DEPTOR: variants seen among roughly 807,000 people sequenced by gnomAD.
DEPTOR encodes DEP domain-containing mTOR-interacting protein.
Under a neutral mutation model 41.6 loss-of-function variants are expected in DEPTOR, and 41 were observed. The ratio of observed to expected loss-of-function variants is 0.98; its 90% confidence interval spans 0.77 to 1.28. The LOEUF is 1.28. Among genes scored for constraint, DEPTOR ranks in the 50% most tolerant of loss-of-function variants. The pLI is 0.00. For synonymous variants in DEPTOR, 195 were observed against 192.3 expected, an observed-to-expected ratio of 1.01 and a Z score of -0.12; for missense variants, 514 against 527.9, an observed-to-expected ratio of 0.97 and a Z score of 0.26.
chr8:119,973,685 C>T (rs1036542088), intron 4 of DEPTOR, among the ~76,000 whole-genome samples: 6 of 152,334 alleles, frequency 3.9e-5, no homozygotes, highest in African/African-American at 1.2e-4. Flanking sequence ...CCTGGCCTAC[C>T]AGGCTACCGC....
At chr8:120,028,902 T>C (rs1812843467) in intron 8 of DEPTOR, among the ~76,000 whole-genome samples, 1 of 151,912 alleles carries the variant, frequency 6.6e-6, no homozygotes, top group Non-Finnish European at 1.5e-5. Flanking sequence ...CTGACCAATA[T>C]GGTGAAACCC....
At chr8:119,884,887 TG>T (rs909645351) in intron 1 of DEPTOR, among the ~76,000 whole-genome samples, 1 of 152,042 alleles carries the variant, frequency 6.6e-6, no homozygotes, top group African/African-American at 2.4e-5. Flanking sequence ...GCAATTCTTG[TG>T]CCTCAGCTTC....
chr8:120,046,659 G>A (rs896782005), intron 8 of DEPTOR, among the ~76,000 whole-genome samples: 3 of 152,086 alleles, frequency 2.0e-5, no homozygotes. Context: ...GTCTCACTAT[G>A]TTGTCCAGGC....
chr8:120,030,542 TG>T, intron 8 of DEPTOR, among the ~76,000 whole-genome samples: 1 of 140,702 alleles, frequency 7.1e-6, no homozygotes, highest in East Asian at 2.3e-4. Context: ...AGTCTCACTG[TG>T]TTGCCTAGGC....
At chr8:120,020,920 A>G (rs1435864592) in intron 8 of DEPTOR, among the ~76,000 whole-genome samples, 2 of 151,498 alleles carry the variant, frequency 1.3e-5, no homozygotes, top group African/African-American at 4.9e-5. Flanking sequence ...ATAGTTGGGC[A>G]TGATGGCATG....
At chr8:119,959,595 C>T (rs150019523) in intron 3 of DEPTOR, among the ~76,000 whole-genome samples, 291 of 151,450 alleles carry the variant, frequency 1.9e-3, no homozygotes, top group African/African-American at 4.9e-3. Context: ...GGTGCGATCT[C>T]GGTTCACTGC....
chr8:119,987,310 T>C (rs1488904514), intron 4 of DEPTOR, among the ~76,000 whole-genome samples: 2 of 152,188 alleles, frequency 1.3e-5, no homozygotes, highest in Non-Finnish European at 2.9e-5. Flanking sequence ...CTGCTGGAGT[T>C]TGCTGGAGGT....
At chr8:119,942,206 A>G (rs1474191409) in intron 3 of DEPTOR, among the ~76,000 whole-genome samples, 2 of 152,026 alleles carry the variant, frequency 1.3e-5, no homozygotes, top group Non-Finnish European at 2.9e-5. Flanking sequence ...TTATTGATTT[A>G]TTGATTGATT....
At chr8:119,901,456 C>A (rs1029808129) in intron 1 of DEPTOR, among the ~76,000 whole-genome samples, 9 of 152,034 alleles carry the variant, frequency 5.9e-5, no homozygotes, top group African/African-American at 2.2e-4. Flanking sequence ...GTGGGCGGAT[C>A]ACGAGATCAG....
chr8:119,900,891 T>G (rs1827581884), intron 1 of DEPTOR, among the ~76,000 whole-genome samples: 1 of 152,172 alleles, frequency 6.6e-6, no homozygotes, highest in Non-Finnish European at 1.5e-5. Flanking sequence ...GTTATTCTAT[T>G]TTTGCAACTC....
At chr8:119,996,181 C>G (rs891583255) in intron 4 of DEPTOR, among the ~76,000 whole-genome samples, 4 of 152,072 alleles carry the variant, frequency 2.6e-5, no homozygotes, top group African/African-American at 9.7e-5. Context: ...CTGAGACACT[C>G]GGATCCAAAT....
Position 120,003,207 on chromosome 8 carries a change from G to T in DEPTOR, c.925+96G>T, listed in dbSNP as rs1459939229. ...TGAGATAGCGGGAGACTAGTGTGTG[G>T]GTTCTAATAAGTTAGAGCATGCTCT... On this transcript the variant is annotated intron_variant, in intron 6 of 8. Coordinates refer to ENST00000286234, the MANE Select transcript of DEPTOR (RefSeq NM_022783.4). The T allele has an allele frequency of 4.5e-6, 7 of 1,544,410 alleles. No individual in the cohort carries two copies. In the Admixed American group the frequency reaches 9.0e-5, roughly 20 times the overall value.
In DEPTOR at chr8:119,933,441, G is replaced by C. The variant is rs189135195; in HGVS notation, c.425+3503G>C. Among the ~76,000 whole-genome samples the C allele has an allele frequency of 6.2e-3, 901 of 144,878 alleles. 9 individuals carry two copies. Among genetic ancestry groups the C allele is most frequent in the African/African-American group, 0.022 (843 of 38,750 alleles). On this transcript the variant is annotated intron_variant, in intron 3 of 8. Coordinates refer to ENST00000286234, the MANE Select transcript of DEPTOR (RefSeq NM_022783.4). Reference sequence around the variant, plus strand: ...TGGGAAGTTCAAGCCCCCTTTCTTTGAGACAGAGCAAGACACACACACACA... The same window carrying C: ...TGGGAAGTTCAAGCCCCCTTTCTTTCAGACAGAGCAAGACACACACACACA...
At chr8:119,965,117 C>A in intron 3 of DEPTOR, 115 bp from the exon 4 acceptor site, 1 of 1,130,552 alleles carries the variant, frequency 8.8e-7, no homozygotes. Context: ...CACCTGACAG[C>A]TGCATCTGTC....
chr8:120,001,131 A>G (rs1519815), intron 4 of DEPTOR, among the ~76,000 whole-genome samples: 7 of 151,698 alleles, frequency 4.6e-5, no homozygotes, highest in Non-Finnish European at 7.4e-5. Flanking sequence ...CTGCTGGGCA[A>G]TGGGGACACA....
chr8:119,906,014 C>T (rs1411661658), intron 1 of DEPTOR, among the ~76,000 whole-genome samples: 2 of 152,074 alleles, frequency 1.3e-5, no homozygotes, highest in South Asian at 2.1e-4. Context: ...AAGCTGGTCT[C>T]GAACTCGGGC....
intron 6 of DEPTOR, among the ~76,000 whole-genome samples, chr8:120,006,466 G>A (rs1812438934): frequency 6.6e-6 from 1 of 151,888 alleles, no homozygotes; most frequent in African/African-American, 2.4e-5. Context: ...GGAGGTTGCA[G>A]TGAGCCGAGA....
At chr8:120,025,770 G>A (rs978281688) in intron 8 of DEPTOR, among the ~76,000 whole-genome samples, 8 of 151,464 alleles carry the variant, frequency 5.3e-5, no homozygotes, top group Non-Finnish European at 1.0e-4. Context: ...GTCCCCTTTC[G>A]TCTGCTCTTG....
chr8:120,022,116 C>A (rs1156895340), intron 8 of DEPTOR, among the ~76,000 whole-genome samples: 1 of 145,246 alleles, frequency 6.9e-6, no homozygotes, highest in East Asian at 2.0e-4. Context: ...TGTGATCCTG[C>A]CACTGCACTC....
Sources: gnomAD v4.1 joint callset for allele counts (sites outside exome capture counted in the v4.1 genomes callset) on GRCh38, gnomAD v4.1.1 for gene constraint, MANE v1.5 for transcripts, NCBI Gene and HGNC (gene_info 2026-07-23, HGNC 2026-07-21) for gene names.